The following ANKS1B variants were observed in gnomAD, a reference collection of about 807,000 sequenced individuals.
ANKS1B encodes ankyrin repeat and sterile alpha motif domain containing 1B.
A neutral mutation model predicts 148.3 loss-of-function variants in ANKS1B; 36 were observed. The observed-to-expected ratio is 0.24, with a 90% confidence interval of 0.19 to 0.32. The LOEUF is 0.32. Ranked by LOEUF, ANKS1B falls within the 10% of genes least tolerant of loss-of-function variation. ANKS1B has a pLI of 1.00. For missense variants in ANKS1B, 1,157 were observed against 1,542.6 expected (o/e 0.75, Z 4.19); for synonymous variants, 542 against 560.8 (o/e 0.97, Z 0.47).
chr12:99,664,111 T>G (rs926347432), intron 8 of ANKS1B, among the ~76,000 whole-genome samples: 1 of 151,506 alleles, frequency 6.6e-6, no homozygotes, highest in Non-Finnish European at 1.5e-5. Context: ...ACGCAGAAGC[T>G]AATTTCAAAA....
chr12:99,928,754 T>C (rs1463530598), intron 1 of ANKS1B, among the ~76,000 whole-genome samples: 1 of 152,172 alleles, frequency 6.6e-6, no homozygotes. Context: ...AAAAACAAAC[T>C]TGATGAGAAC....
intron 12 of ANKS1B, among the ~76,000 whole-genome samples, chr12:99,266,561 T>C (rs974711967): frequency 5.3e-5 from 8 of 152,170 alleles, no homozygotes; most frequent in African/African-American, 1.9e-4. Context: ...TATGCTGTAT[T>C]GGTTTCTTGG....
intron 1 of ANKS1B, among the ~76,000 whole-genome samples, chr12:99,941,805 G>T (rs1466892666): frequency 6.6e-6 from 1 of 152,148 alleles, no homozygotes; most frequent in African/African-American, 2.4e-5. Flanking sequence ...CACAATAAAT[G>T]AAGAAAGGGA....
chr12:99,043,761 T>C (rs2099960563), intron 17 of ANKS1B, among the ~76,000 whole-genome samples: 1 of 152,240 alleles, frequency 6.6e-6, no homozygotes, highest in South Asian at 2.1e-4. Context: ...TTCTCTAGCA[T>C]CTAATTATTT....
chr12:99,649,333 A>G (rs2098402950), intron 9 of ANKS1B: 1 of 1,614,214 alleles, frequency 6.2e-7, no homozygotes. Flanking sequence ...ATTCAGAATC[A>G]GTAGACTTCA....
chr12:99,439,902 G>C (rs184477591), intron 11 of ANKS1B, among the ~76,000 whole-genome samples: 2 of 151,866 alleles, frequency 1.3e-5, no homozygotes, highest in East Asian at 1.9e-4. Flanking sequence ...TCAATCAACA[G>C]GAGAATTAAT....
At chr12:99,730,742 A>G (rs188783523) in intron 8 of ANKS1B, among the ~76,000 whole-genome samples, 10 of 152,192 alleles carry the variant, frequency 6.6e-5, no homozygotes, top group Admixed American at 4.6e-4. Flanking sequence ...CCATCTCACT[A>G]AGCTGGGAAA....
rs149726969 is a variant in ANKS1B at position 98,827,136 on chromosome 12, A to C, written c.3066+2038T>G. On this transcript the variant is annotated intron_variant, in intron 19 of 26. Transcript: ENST00000683438. ...ATTGCTCCATGGGTTTTGGCCTTCC[A>C]TACTAGCGATCATGCTCAAAACTGC... is the stretch of plus-strand genomic sequence containing the variant. 3.7e-3 allele frequency among the ~76,000 whole-genome samples: 569 copies of C among 152,290 alleles called. 2 individuals are homozygous for C. Among genetic ancestry groups the C allele is most frequent in the Middle Eastern group, 0.034 (10 of 294 alleles).
intron 15 of ANKS1B, 70 bp from the exon 16 acceptor site, chr12:99,085,093 T>C (rs1177961240): frequency 4.6e-6 from 6 of 1,295,278 alleles, no homozygotes; most frequent in Middle Eastern, 1.8e-4. Flanking sequence ...AAGGATTTAT[T>C]TAATACAGAG....
chr12:98,744,046 T>A lies in ANKS1B; in HGVS notation c.*1693A>T. 4 of 983,748 alleles carry A rather than the reference T, an allele frequency of 4.1e-6. No individual in the cohort carries two copies. Among genetic ancestry groups the A allele is most frequent in the Non-Finnish European group, 4.8e-6 (4 of 828,348 alleles). The allele number at this position is 983,748 out of a possible 1,614,324, so 60.9% of individuals were successfully genotyped here. ...TAAATAATGACAAAAATTACAAAAT[T>A]TATAACTGGAAGCCCAAGCTTATTT... On this transcript the variant is annotated 3_prime_UTR_variant, in exon 27 of 27. Transcript: ENST00000683438.
intron 14 of ANKS1B, among the ~76,000 whole-genome samples, chr12:99,222,303 T>G (rs373727525): frequency 3.3e-5 from 5 of 152,236 alleles, no homozygotes; most frequent in East Asian, 3.9e-4. Context: ...TGTATAAACT[T>G]TTATACTTTC....
chr12:99,444,479 G>T (rs1322191471), intron 10 of ANKS1B, among the ~76,000 whole-genome samples: 3 of 151,776 alleles, frequency 2.0e-5, no homozygotes, highest in Non-Finnish European at 4.4e-5. Context: ...TAGGAGGGGG[G>T]AATAAAGAAA....
At chr12:99,113,873 AC>A (rs2060793120) in intron 15 of ANKS1B, among the ~76,000 whole-genome samples, 1 of 152,156 alleles carries the variant, frequency 6.6e-6, no homozygotes, top group African/African-American at 2.4e-5. Flanking sequence ...TAATTAAGAA[AC>A]TTTTTAGAAT....
At chr12:99,399,242 A>G (rs1349902769) in intron 12 of ANKS1B, among the ~76,000 whole-genome samples, 1 of 152,122 alleles carries the variant, frequency 6.6e-6, no homozygotes, top group Non-Finnish European at 1.5e-5. Flanking sequence ...AGCCTAGGCC[A>G]CATTGTACAA....
intron 17 of ANKS1B, among the ~76,000 whole-genome samples, chr12:99,013,613 C>T (rs1379209079): frequency 6.6e-6 from 1 of 152,076 alleles, no homozygotes; most frequent in African/African-American, 2.4e-5. Flanking sequence ...TCTAGAAAAC[C>T]TCATAATCTC....
chr12:99,291,842 A>G (rs2724194), intron 12 of ANKS1B, among the ~76,000 whole-genome samples: 117,435 of 152,124 alleles, frequency 0.77, 45,487 homozygotes, highest in East Asian at 0.9. Flanking sequence ...AGAAGCCTCA[A>G]AAATAACACC....
intron 20 of ANKS1B, among the ~76,000 whole-genome samples, chr12:98,803,998 T>C (rs986765804): frequency 2.6e-5 from 4 of 152,292 alleles, no homozygotes; most frequent in African/African-American, 9.6e-5. Context: ...ATCCCTTATT[T>C]GATAACCACT....
intron 9 of ANKS1B, among the ~76,000 whole-genome samples, chr12:99,528,495 A>C (rs2096953814): frequency 6.6e-6 from 1 of 152,090 alleles, no homozygotes; most frequent in Admixed American, 6.6e-5. Context: ...AATGGGAGAA[A>C]ATATTTGCAA....
chr12:99,611,684 C>T (rs972211991), intron 9 of ANKS1B, among the ~76,000 whole-genome samples: 2 of 151,968 alleles, frequency 1.3e-5, no homozygotes, highest in Non-Finnish European at 2.9e-5. Context: ...ATTTTTAATG[C>T]CCATTTGAGA....
Sources: gnomAD v4.1 joint callset for allele counts (sites outside exome capture counted in the v4.1 genomes callset) on GRCh38, gnomAD v4.1.1 for gene constraint, MANE v1.5 for transcripts, NCBI Gene and HGNC (gene_info 2026-07-23, HGNC 2026-07-21) for gene names.